The following SLIT2 variants were observed in gnomAD, a reference collection of about 807,000 sequenced individuals.
SLIT2 encodes slit homolog 2 protein.
A neutral mutation model predicts 185.7 loss-of-function variants in SLIT2; 41 were observed. The observed-to-expected ratio is 0.22, with a 90% confidence interval of 0.17 to 0.29. The LOEUF is 0.29. Ranked by LOEUF, SLIT2 falls within the 10% of genes least tolerant of loss-of-function variation. SLIT2 has a pLI of 1.00. For synonymous variants in SLIT2, 693 were observed against 680.2 expected, an observed-to-expected ratio of 1.02 and a Z score of -0.29; for missense variants, 1,571 against 1,909.0, an observed-to-expected ratio of 0.82 and a Z score of 3.30.
rs759035403 is a variant in SLIT2 at position 20,595,719 on chromosome 4, G to A, written c.3205G>A (p.Val1069Ile). Residue 1069 changes from valine (V) to isoleucine (I), a missense_variant, in exon 31 of 37, where the codon GTA (valine) becomes ATA (isoleucine). Transcript: ENST00000504154. Reference sequence around the variant, plus strand: ...CAGATGTGACTGCACACCAGGGTACGTAGGTGAACACTGCGACATCGATTT... The same window carrying A: ...CAGATGTGACTGCACACCAGGGTACATAGGTGAACACTGCGACATCGATTT... Reference protein sequence around the residue: ...GFKCDCTPGYVGEHCDIDFDD... With the variant: ...GFKCDCTPGYIGEHCDIDFDD... 25 of 1,614,006 alleles carry A rather than the reference G, an allele frequency of 1.5e-5. No individual in the cohort carries two copies. Among genetic ancestry groups the A allele is most frequent in the Middle Eastern group, 1.6e-4 (1 of 6,084 alleles).
chr4:20,338,285 A>G (rs928612141), intron 4 of SLIT2, among the ~76,000 whole-genome samples: 15 of 152,164 alleles, frequency 9.9e-5, no homozygotes, highest in Non-Finnish European at 2.9e-5. Flanking sequence ...TAGGCAGCCT[A>G]CAATTGTCAG....
chr4:20,615,058 G>A (rs1272735003), intron 34 of SLIT2: 1 of 152,154 alleles, frequency 6.6e-6, no homozygotes, highest in East Asian at 1.9e-4. Context: ...GCACATATGT[G>A]TGTTGTGCCT....
At chr4:20,488,242 A>G (rs1717437725) in intron 7 of SLIT2, among the ~76,000 whole-genome samples, 1 of 152,166 alleles carries the variant, frequency 6.6e-6, no homozygotes, top group Non-Finnish European at 1.5e-5. Flanking sequence ...CCAGGAGCCA[A>G]AGGAGCTAAT....
At chr4:20,569,764 G>GA (rs367646532) in intron 29 of SLIT2, among the ~76,000 whole-genome samples, 3 of 151,604 alleles carry the variant, frequency 2.0e-5, no homozygotes, top group Admixed American at 6.6e-5. Context: ...TTATTTGTAA[G>GA]AAAAAAAATG....
chr4:20,532,743 AC>A (rs1413293393), intron 17 of SLIT2, among the ~76,000 whole-genome samples: 1 of 152,204 alleles, frequency 6.6e-6, no homozygotes, highest in Non-Finnish European at 1.5e-5. Context: ...CGAACAGACT[AC>A]TTGTACAGAT....
chr4:20,348,585 A>G (rs1217849028), intron 4 of SLIT2, among the ~76,000 whole-genome samples: 1 of 152,072 alleles, frequency 6.6e-6, no homozygotes, highest in Non-Finnish European at 1.5e-5. Context: ...GATGATGCCA[A>G]TGCCTCTAGT....
intron 4 of SLIT2, among the ~76,000 whole-genome samples, chr4:20,412,307 T>C (rs1269276626): frequency 2.0e-5 from 3 of 152,196 alleles, no homozygotes; most frequent in African/African-American, 7.2e-5. Context: ...AGGTTTGATG[T>C]ATAGCTGAAT....
intron 11 of SLIT2, among the ~76,000 whole-genome samples, chr4:20,514,985 G>A (rs1272180084): frequency 6.6e-6 from 1 of 151,968 alleles, no homozygotes; most frequent in Non-Finnish European, 1.5e-5. Context: ...AGTATTTTTA[G>A]CATTGTCTGT....
intron 4 of SLIT2, among the ~76,000 whole-genome samples, chr4:20,278,761 T>C (rs1714426897): frequency 1.3e-5 from 2 of 150,586 alleles, no homozygotes; most frequent in Admixed American, 1.3e-4. Context: ...AATGGTATAG[T>C]TTGTCATACC....
intron 4 of SLIT2, among the ~76,000 whole-genome samples, chr4:20,441,051 C>T (rs531131375): frequency 2.1e-5 from 3 of 145,708 alleles, no homozygotes; most frequent in Non-Finnish European, 3.1e-5. Context: ...TGAAAATGAC[C>T]GAAGCCTCCA....
chr4:20,370,775 T>A (rs912714679), intron 4 of SLIT2, among the ~76,000 whole-genome samples: 3 of 152,152 alleles, frequency 2.0e-5, no homozygotes. Flanking sequence ...AACTTTGTGA[T>A]CTGCAACAGC....
chr4:20,401,547 C>T (rs1726362304), intron 4 of SLIT2, among the ~76,000 whole-genome samples: 1 of 151,914 alleles, frequency 6.6e-6, no homozygotes, highest in Non-Finnish European at 1.5e-5. Context: ...AGCAAATCTG[C>T]ATGCTTAGCC....
chr4:20,268,563 T>G (rs930814828), intron 3 of SLIT2, among the ~76,000 whole-genome samples: 4 of 151,892 alleles, frequency 2.6e-5, no homozygotes, highest in Admixed American at 6.6e-5. Context: ...TTGACTGATG[T>G]TGCACAGGAT....
At chr4:20,536,039 AATTGTTACT>A (rs982475079) in intron 18 of SLIT2, among the ~76,000 whole-genome samples, 1 of 152,202 alleles carries the variant, frequency 6.6e-6, no homozygotes, top group African/African-American at 2.4e-5. Flanking sequence ...TACTGTAGGC[AATTGTTACT>A]AACACAATGT....
At chr4:20,271,618 C>T (rs985614015) in intron 4 of SLIT2, among the ~76,000 whole-genome samples, 14 of 150,700 alleles carry the variant, frequency 9.3e-5, no homozygotes, top group Non-Finnish European at 1.5e-4. Flanking sequence ...TTCCGAGATA[C>T]GAATTAATGT....
intron 4 of SLIT2, among the ~76,000 whole-genome samples, chr4:20,410,248 T>TTC (rs1321564375): frequency 2.9e-4 from 37 of 129,130 alleles, no homozygotes; most frequent in African/African-American, 9.8e-4. Flanking sequence ...CTTTTCTTTT[T>TTC]TTTTTTTTTT....
chr4:20,522,628 G>A (rs1023356359), intron 12 of SLIT2, among the ~76,000 whole-genome samples: 5 of 152,062 alleles, frequency 3.3e-5, no homozygotes, highest in African/African-American at 1.2e-4. Flanking sequence ...CGAGAATGAT[G>A]TTTGCCAAAG....
chr4:20,618,030 A>G (rs1578034759), intron 36 of SLIT2, among the ~76,000 whole-genome samples: 1 of 152,214 alleles, frequency 6.6e-6, no homozygotes, highest in East Asian at 1.9e-4. Context: ...TTATTAATTC[A>G]TCTTCTGGCA....
chr4:20,329,097 G>A (rs931284674), intron 4 of SLIT2, among the ~76,000 whole-genome samples: 7 of 151,976 alleles, frequency 4.6e-5, no homozygotes, highest in Non-Finnish European at 7.4e-5. Context: ...AGATAGCTTA[G>A]CATTCAGGCA....
Sources: allele counts gnomAD v4.1 joint callset (sites outside exome capture counted in the v4.1 genomes callset), GRCh38; gene constraint gnomAD v4.1.1; transcripts MANE v1.5; gene names NCBI Gene and HGNC (gene_info 2026-07-23, HGNC 2026-07-21).